The following CARMIL1 variants were observed in gnomAD, a reference collection of about 807,000 sequenced individuals.
CARMIL1 encodes the protein F-actin-uncapping protein LRRC16A.
CARMIL1 carries 90 observed loss-of-function variants against 177.1 expected under a neutral mutation model. That is an observed-to-expected ratio of 0.51 (90% CI 0.43 to 0.61). CARMIL1 has a LOEUF of 0.61. Among genes scored for constraint, CARMIL1 ranks in the 20% least tolerant of loss-of-function variants. The pLI is 0.00. For synonymous variants in CARMIL1, 577 were observed against 606.2 expected, an observed-to-expected ratio of 0.95 and a Z score of 0.71; for missense variants, 1,380 against 1,667.0, an observed-to-expected ratio of 0.83 and a Z score of 3.00.
At chr6:25,564,233 G>A (rs1811367926) in intron 29 of CARMIL1, among the ~76,000 whole-genome samples, 1 of 152,138 alleles carries the variant, frequency 6.6e-6, no homozygotes, top group African/African-American at 2.4e-5. Context: ...CCACACAGCA[G>A]CTCATGCATG....
intron 1 of CARMIL1, among the ~76,000 whole-genome samples, chr6:25,283,213 G>A (rs892223992): frequency 4.6e-5 from 7 of 152,160 alleles, no homozygotes; most frequent in Admixed American, 4.6e-4. Flanking sequence ...ACCTTGAATG[G>A]CATGCCATGA....
chr6:25,311,199 CA>C (rs981666268), intron 2 of CARMIL1, among the ~76,000 whole-genome samples: 1 of 151,386 alleles, frequency 6.6e-6, no homozygotes, highest in Non-Finnish European at 1.5e-5. Context: ...AAACAAAACA[CA>C]AAAAAAACCA....
chr6:25,585,943 C>T (rs1813608530), intron 31 of CARMIL1, among the ~76,000 whole-genome samples: 1 of 152,236 alleles, frequency 6.6e-6, no homozygotes, highest in South Asian at 2.1e-4. Flanking sequence ...CCTATGTCTA[C>T]TTCTTTCTAC....
In CARMIL1 at chr6:25,286,389, G is replaced by A. The variant is rs185606551; in HGVS notation, c.138+1480G>A. Among the ~76,000 whole-genome samples the A allele has an allele frequency of 3.7e-3, 556 of 152,312 alleles. 2 individuals are homozygous for A. Among genetic ancestry groups the A allele is most frequent in the Non-Finnish European group, 6.1e-3 (417 of 68,036 alleles). On this transcript the variant is annotated intron_variant, in intron 2 of 36. Transcript: ENST00000329474. ...AGTCGGGATGGTAAAGGCATTGAATGGGAAAACTTGAATGGCTTTTGCCCA... is the reference window on the plus strand; with the variant it reads ...AGTCGGGATGGTAAAGGCATTGAATAGGAAAACTTGAATGGCTTTTGCCCA...
chr6:25,437,820 A>C (rs1797366305), intron 5 of CARMIL1, among the ~76,000 whole-genome samples: 1 of 152,110 alleles, frequency 6.6e-6, no homozygotes, highest in Non-Finnish European at 1.5e-5. Context: ...ATATTATCTT[A>C]ATATCTCGTG....
chr6:25,355,504 G>A (rs1788504807), intron 2 of CARMIL1, among the ~76,000 whole-genome samples: 1 of 152,078 alleles, frequency 6.6e-6, no homozygotes, highest in African/African-American at 2.4e-5. Flanking sequence ...AATTAATTGG[G>A]TGTGGTGGTG....
chr6:25,556,696 T>C lies in CARMIL1; in HGVS notation c.2593-5T>C, dbSNP rs1562282385. The C allele has an allele frequency of 5.6e-6, 9 of 1,611,974 alleles. No homozygotes were observed. The highest frequency in any genetic ancestry group is 2.7e-5 in the African/African-American group (2 of 74,800). On this transcript the variant is annotated splice_region_variant and splice_polypyrimidine_tract_variant and intron_variant, in intron 28 of 36. Coordinates refer to ENST00000329474, the MANE Select transcript of CARMIL1 (RefSeq NM_017640.6). Reference sequence around the variant, plus strand: ...TTTCTCCTCGTACACGTCTTGACCTTCTAGGCTGACCATTTCAGCAGACGT... The same window carrying C: ...TTTCTCCTCGTACACGTCTTGACCTCCTAGGCTGACCATTTCAGCAGACGT...
At position 25,279,682 on chromosome 6, in the gene CARMIL1, C is replaced by A; in HGVS notation, c.-114C>A. 1.0e-6 allele frequency: 1 copy of A among 962,946 alleles called. No homozygotes were observed. The highest frequency in any genetic ancestry group is 1.7e-6 in the Non-Finnish European group (1 of 588,414). 59.7% of individuals were successfully genotyped at this position (962,946 alleles called of 1,614,324 possible). A position where few individuals can be genotyped will look rare whatever the true frequency, so the allele number is the denominator to read the frequency against. ...TCTCCGCCCCCCCTTTTCTTGCCCACTTCCATTTGCAAGCTGCATCTGCCT... is the reference window on the plus strand; with the variant it reads ...TCTCCGCCCCCCCTTTTCTTGCCCAATTCCATTTGCAAGCTGCATCTGCCT... On this transcript the variant is annotated 5_prime_UTR_variant, in exon 1 of 37. Coordinates refer to ENST00000329474, the MANE Select transcript of CARMIL1 (RefSeq NM_017640.6).
In CARMIL1 at chr6:25,495,538, C is replaced by T. The variant is rs1432596940; in HGVS notation, c.1325+323C>T. On this transcript the variant is annotated intron_variant, in intron 16 of 36. Coordinates refer to ENST00000329474, the MANE Select transcript of CARMIL1 (RefSeq NM_017640.6). ...TCCATTTCAGGCATATTCGTTTGTT[C>T]GTGTGTGTGTGTGTGTGTGTGTGTG... 1.4e-4 allele frequency among the ~76,000 whole-genome samples: 20 copies of T among 144,978 alleles called. No individual in the cohort carries two copies. The East Asian group carries it at 4.1e-3, about 30-fold the overall frequency.
chr6:25,441,355 G>GTGTGTGTA (rs1211995401), intron 5 of CARMIL1, among the ~76,000 whole-genome samples: 3 of 142,052 alleles, frequency 2.1e-5, no homozygotes, highest in African/African-American at 2.7e-5. Context: ...GTGTGTGTGT[G>GTGTGTGTA]TGTGTGTGTG....
At position 25,577,790 on chromosome 6, in the gene CARMIL1, A is replaced by G. The variant is rs978742925; in HGVS notation, c.2743-3134A>G. On this transcript the variant is annotated intron_variant, in intron 29 of 36. Coordinates refer to ENST00000329474, the MANE Select transcript of CARMIL1 (RefSeq NM_017640.6). This position sits in a 1 kb window ranked among gnomAD's most constrained non-coding sequence, Gnocchi z 4.5. Reference sequence around the variant, plus strand: ...TAAAAAATTTGATCAAATGAGTACAATTTCAGAGTAATGTAGGCATTGATG... The same window carrying G: ...TAAAAAATTTGATCAAATGAGTACAGTTTCAGAGTAATGTAGGCATTGATG... Among the ~76,000 whole-genome samples the G allele has an allele frequency of 2.0e-5, 3 of 152,154 alleles. No homozygotes were observed. Among genetic ancestry groups the G allele is most frequent in the African/African-American group, 4.8e-5 (2 of 41,420 alleles).
At chr6:25,492,484 A>G (rs149887840) in intron 15 of CARMIL1, among the ~76,000 whole-genome samples, 7 of 152,328 alleles carry the variant, frequency 4.6e-5, no homozygotes, top group African/African-American at 1.7e-4. Context: ...TGTTTGCAGA[A>G]TAAGGCAGTA....
At chr6:25,529,878 G>A (rs145902952) in intron 24 of CARMIL1, among the ~76,000 whole-genome samples, 1 of 151,512 alleles carries the variant, frequency 6.6e-6, no homozygotes, top group Non-Finnish European at 1.5e-5. Context: ...TAAATAAACT[G>A]ATGGACACAA....
intron 2 of CARMIL1, among the ~76,000 whole-genome samples, chr6:25,387,035 C>G (rs78532488): frequency 2.1e-5 from 3 of 140,786 alleles, no homozygotes; most frequent in African/African-American, 8.0e-5. Context: ...GAGCCTGAGG[C>G]GGGAGAATCG....
At chr6:25,501,556 T>C (rs1360921718) in intron 17 of CARMIL1, among the ~76,000 whole-genome samples, 1 of 152,250 alleles carries the variant, frequency 6.6e-6, no homozygotes, top group Non-Finnish European at 1.5e-5. Context: ...GCTGTTTTTC[T>C]ATCTGTCTGC....
chr6:25,607,747 T>C (rs1017349208), intron 35 of CARMIL1, among the ~76,000 whole-genome samples: 5 of 152,210 alleles, frequency 3.3e-5, no homozygotes, highest in Admixed American at 1.3e-4. Context: ...CACATATTTT[T>C]TTTCATTTCC....
Position 25,337,984 on chromosome 6 carries a change from C to T in CARMIL1, c.138+53075C>T, listed in dbSNP as rs376765800. Among the ~76,000 whole-genome samples the T allele has an allele frequency of 5.5e-4, 83 of 152,260 alleles. 1 individual carries two copies. The highest frequency in any genetic ancestry group is 1.9e-3 in the African/African-American group (78 of 41,550). On this transcript the variant is annotated intron_variant, in intron 2 of 36. Transcript: ENST00000329474. ...GCGTATGAGGGTGGGGTTAGGTTTT[C>T]CCTATCTTCCCCCTTCTTCCATAGC...
chr6:25,390,543 A>C (rs1430014688), intron 2 of CARMIL1, among the ~76,000 whole-genome samples: 1 of 151,732 alleles, frequency 6.6e-6, no homozygotes, highest in East Asian at 1.9e-4. Flanking sequence ...GCTGGTCTCC[A>C]ACTTTTGGGC....
chr6:25,537,487 G>T (rs908984242), intron 24 of CARMIL1, among the ~76,000 whole-genome samples: 6 of 152,112 alleles, frequency 3.9e-5, no homozygotes, highest in African/African-American at 1.4e-4. Context: ...CACATAGAGG[G>T]TGCTCACTAA....
Sources: allele counts gnomAD v4.1 joint callset (sites outside exome capture counted in the v4.1 genomes callset), GRCh38; gene constraint gnomAD v4.1.1; non-coding constraint Gnocchi (gnomAD v3.1); transcripts MANE v1.5; gene names NCBI Gene and HGNC (gene_info 2026-07-23, HGNC 2026-07-21).